The following RANBP2 variants were observed in gnomAD, a reference collection of about 807,000 sequenced individuals.
RANBP2 encodes the protein E3 SUMO-protein ligase RanBP2.
Under a neutral mutation model 303.6 loss-of-function variants are expected in RANBP2, and 57 were observed. That is an observed-to-expected ratio of 0.19 (90% CI 0.15 to 0.23). The LOEUF is 0.23. Ranked by LOEUF, RANBP2 falls within the 10% of genes least tolerant of loss-of-function variation. The pLI, the probability that RANBP2 is intolerant of heterozygous loss-of-function variation, is 1.00. For missense variants in RANBP2, 3,138 were observed against 3,780.8 expected (o/e 0.83, Z 4.46); for synonymous variants, 1,167 against 1,301.5 (o/e 0.90, Z 2.23).
At chr2:109,600,128 G>A in the RANBP2 span, among the ~76,000 whole-genome samples, 5 of 152,144 alleles carry the variant, frequency 3.3e-5, no homozygotes, top group Non-Finnish European at 5.9e-5. Flanking sequence ...CAGTAGGGAT[G>A]TCAGGGCTGC....
the RANBP2 span, among the ~76,000 whole-genome samples, chr2:108,903,618 T>C: frequency 6.6e-6 from 1 of 152,138 alleles, no homozygotes; most frequent in African/African-American, 2.4e-5. Context: ...AACTGATTTT[T>C]GACAAAGTTT....
chr2:108,720,060 C>T, intron 1 of RANBP2: 24 of 984,892 alleles, frequency 2.4e-5, no homozygotes, highest in Non-Finnish European at 2.7e-5. Flanking sequence ...CTTCCCATCT[C>T]CTGGACATAT....
chr2:109,700,576 A>G, the RANBP2 span, among the ~76,000 whole-genome samples: 1 of 152,128 alleles, frequency 6.6e-6, no homozygotes, highest in Non-Finnish European at 1.5e-5. Flanking sequence ...CATTTATATC[A>G]GTGAGCAGAG....
chr2:108,816,892 T>C, the RANBP2 span, among the ~76,000 whole-genome samples: 1 of 152,320 alleles, frequency 6.6e-6, no homozygotes, highest in East Asian at 1.9e-4. Context: ...AGATCAGACC[T>C]GGCTTCATTG....
At chr2:109,113,590 T>C in the RANBP2 span, among the ~76,000 whole-genome samples, 1 of 152,320 alleles carries the variant, frequency 6.6e-6, no homozygotes, top group Admixed American at 6.5e-5. Flanking sequence ...ACAGGGACAA[T>C]TTGACTTCCT....
the RANBP2 span, among the ~76,000 whole-genome samples, chr2:108,931,323 C>G: frequency 1.3e-5 from 2 of 152,198 alleles, no homozygotes; most frequent in Non-Finnish European, 2.9e-5. Context: ...TTCTCGTGCT[C>G]AGAGGGTTTG....
chr2:109,579,624 C>G, the RANBP2 span, among the ~76,000 whole-genome samples: 4 of 151,126 alleles, frequency 2.6e-5, no homozygotes, highest in African/African-American at 7.3e-5. Flanking sequence ...CTCAGGTGAT[C>G]CACCCACCTT....
chr2:109,595,495 T>C, the RANBP2 span, among the ~76,000 whole-genome samples: 24,305 of 152,048 alleles, frequency 0.16, 2,448 homozygotes, highest in Non-Finnish European at 0.23. Context: ...CTCTAGTCTG[T>C]AGGACAGAAA....
the RANBP2 span, among the ~76,000 whole-genome samples, chr2:109,117,794 T>G: frequency 6.6e-6 from 1 of 152,166 alleles, no homozygotes; most frequent in Non-Finnish European, 1.5e-5. Context: ...CCACCCAGCA[T>G]TTTTCAAAAA....
At chr2:109,022,775 G>C in the RANBP2 span, among the ~76,000 whole-genome samples, 1 of 152,182 alleles carries the variant, frequency 6.6e-6, no homozygotes, top group African/African-American at 2.4e-5. Flanking sequence ...TATTGGCTGG[G>C]CGTGGTGGCT....
At chr2:108,797,685 G>A in the RANBP2 span, among the ~76,000 whole-genome samples, 1 of 152,156 alleles carries the variant, frequency 6.6e-6, no homozygotes, top group East Asian at 1.9e-4. Context: ...GGAGAAGCAT[G>A]TATATATGTA....
At chr2:109,000,347 C>A in the RANBP2 span, among the ~76,000 whole-genome samples, 1 of 151,996 alleles carries the variant, frequency 6.6e-6, no homozygotes, top group Non-Finnish European at 1.5e-5. Flanking sequence ...GGCAACATAG[C>A]AAGACCCCCT....
the RANBP2 span, among the ~76,000 whole-genome samples, chr2:109,407,377 A>G: frequency 6.6e-6 from 1 of 152,236 alleles, no homozygotes; most frequent in Non-Finnish European, 1.5e-5. Flanking sequence ...AGAGTTCCTT[A>G]TGGAAGCTTC....
chr2:108,729,315 T>A, intron 2 of RANBP2, 116 bp downstream of exon 2: 1 of 1,180,936 alleles, frequency 8.5e-7, no homozygotes, highest in Non-Finnish European at 1.2e-6. Flanking sequence ...TATTCTGGAA[T>A]AAGGGATTTA....
chr2:109,098,375 TAAC>T, the RANBP2 span, among the ~76,000 whole-genome samples: 3 of 152,340 alleles, frequency 2.0e-5, no homozygotes, highest in South Asian at 4.1e-4. Context: ...TGGAGAGAGA[TAAC>T]AGCCAGTTTT....
the RANBP2 span, among the ~76,000 whole-genome samples, chr2:109,133,183 G>A: frequency 1.3e-5 from 2 of 152,194 alleles, no homozygotes; most frequent in South Asian, 4.1e-4. Context: ...GGGTTACAAG[G>A]AAGGACATTG....
the RANBP2 span, among the ~76,000 whole-genome samples, chr2:108,987,942 T>C: frequency 3.3e-5 from 5 of 152,234 alleles, no homozygotes; most frequent in African/African-American, 4.8e-5. Context: ...GATCCCTTTT[T>C]TCCTTCAGTC....
At chr2:109,074,493 A>G in the RANBP2 span, among the ~76,000 whole-genome samples, 2 of 150,884 alleles carry the variant, frequency 1.3e-5, no homozygotes, top group East Asian at 3.8e-4. Context: ...TGAGACCAGG[A>G]GTTCAAGACC....
At chr2:108,790,132 C>A (rs1679663100), downstream of RANBP2, among the ~76,000 whole-genome samples, 1 of 151,926 alleles carries the variant, frequency 6.6e-6, no homozygotes. Context: ...ATAATAAGTA[C>A]TCAAATGTTA....
Sources: gnomAD v4.1 joint callset for allele counts (sites outside exome capture counted in the v4.1 genomes callset) on GRCh38, gnomAD v4.1.1 for gene constraint, MANE v1.5 for transcripts, NCBI Gene and HGNC (gene_info 2026-07-23, HGNC 2026-07-21) for gene names.